MYT1L: variants seen among roughly 807,000 people sequenced by gnomAD.
The protein encoded by MYT1L is myelin transcription factor 1-like protein.
Under a neutral mutation model 126.7 loss-of-function variants are expected in MYT1L, and 12 were observed. The observed-to-expected ratio is 0.09, with a 90% CI of 0.06 to 0.15. MYT1L has a LOEUF of 0.15. MYT1L is among the 10% of genes least tolerant of loss of function. MYT1L has a pLI of 1.00. For missense variants in MYT1L, 979 were observed against 1,585.2 expected (o/e 0.62, Z 6.49); for synonymous variants, 541 against 604.2 (o/e 0.90, Z 1.53).
intron 5 of MYT1L, among the ~76,000 whole-genome samples, chr2:1,983,694 G>A (rs1389517930): frequency 2.0e-5 from 3 of 152,224 alleles, no homozygotes; most frequent in African/African-American, 7.2e-5. Flanking sequence ...GTCATTGGCA[G>A]CCTCAGGCGT....
intron 8 of MYT1L, among the ~76,000 whole-genome samples, chr2:1,967,591 G>C (rs1432521307): frequency 1.3e-5 from 2 of 152,232 alleles, no homozygotes; most frequent in East Asian, 3.9e-4. Flanking sequence ...GGAAAGTTCA[G>C]TTCATTAGTC....
At chr2:2,021,857 A>T (rs2065065714) in intron 4 of MYT1L, among the ~76,000 whole-genome samples, 1 of 152,116 alleles carries the variant, frequency 6.6e-6, no homozygotes, top group Non-Finnish European at 1.5e-5. Context: ...AGATCGTGCC[A>T]CTGCACTCCA....
chr2:1,805,491 C>A (rs2035549203), intron 22 of MYT1L, among the ~76,000 whole-genome samples: 1 of 152,226 alleles, frequency 6.6e-6, no homozygotes, highest in Non-Finnish European at 1.5e-5. Context: ...GTGGCTCACG[C>A]CTATAATCCC....
chr2:2,212,121 G>A (rs767967485), intron 2 of MYT1L, among the ~76,000 whole-genome samples: 13 of 152,158 alleles, frequency 8.5e-5, no homozygotes, highest in Admixed American at 4.6e-4. Flanking sequence ...GTCTATATGC[G>A]TATATAAGCT....
chr2:2,303,317 C>T (rs903244904), intron 1 of MYT1L, among the ~76,000 whole-genome samples: 4 of 152,140 alleles, frequency 2.6e-5, no homozygotes, highest in Non-Finnish European at 4.4e-5. Flanking sequence ...TTGTCTTCCG[C>T]GGGGGCACCT....
chr2:2,097,961 A>C (rs1165043109), intron 3 of MYT1L, among the ~76,000 whole-genome samples: 3 of 152,048 alleles, frequency 2.0e-5, no homozygotes, highest in Admixed American at 1.3e-4. Flanking sequence ...TGGTTGTGTA[A>C]AAGTGTGGCA....
At chr2:2,312,069 C>T (rs1386210145) in intron 1 of MYT1L, among the ~76,000 whole-genome samples, 1 of 152,162 alleles carries the variant, frequency 6.6e-6, no homozygotes, top group Non-Finnish European at 1.5e-5. Flanking sequence ...CAGCTGTAGA[C>T]TTTACACAGC....
chr2:1,880,674 C>A (rs1029723113), intron 18 of MYT1L, among the ~76,000 whole-genome samples: 1 of 152,142 alleles, frequency 6.6e-6, no homozygotes, highest in African/African-American at 2.4e-5. Flanking sequence ...GTGCTTGCTA[C>A]CAGTACTGTC....
intron 19 of MYT1L, among the ~76,000 whole-genome samples, chr2:1,845,699 G>A (rs1013838289): frequency 6.6e-6 from 1 of 152,216 alleles, no homozygotes; most frequent in African/African-American, 2.4e-5. Flanking sequence ...AGCTAAGCCT[G>A]CACTTGGGTG....
chr2:1,818,332 C>T (rs1197619359), intron 21 of MYT1L, among the ~76,000 whole-genome samples: 1 of 152,122 alleles, frequency 6.6e-6, no homozygotes. Flanking sequence ...GTGCTGTCTG[C>T]GATTCAGTAT....
chr2:1,876,531 C>T (rs977725534), intron 18 of MYT1L, among the ~76,000 whole-genome samples: 3 of 152,126 alleles, frequency 2.0e-5, no homozygotes, highest in Admixed American at 2.0e-4. Context: ...ACCCCTCACC[C>T]CGGCAACCTT....
intron 3 of MYT1L, among the ~76,000 whole-genome samples, chr2:2,117,869 G>A (rs1481006304): frequency 6.6e-6 from 1 of 151,808 alleles, no homozygotes; most frequent in Non-Finnish European, 1.5e-5. Flanking sequence ...GGTAATAGGC[G>A]GAACATGGAA....
intron 2 of MYT1L, among the ~76,000 whole-genome samples, chr2:2,232,862 C>T (rs1488065931): frequency 6.6e-6 from 1 of 152,222 alleles, no homozygotes; most frequent in Non-Finnish European, 1.5e-5. Flanking sequence ...CCTGCGTCCT[C>T]ATGGCTCCCT....
chr2:1,804,358 G>A (rs1167662715), intron 22 of MYT1L, among the ~76,000 whole-genome samples: 1 of 152,120 alleles, frequency 6.6e-6, no homozygotes, highest in African/African-American at 2.4e-5. Flanking sequence ...CTGACCTCAG[G>A]TGATCTGCCC....
chr2:1,829,164 G>A (rs1367181024), intron 21 of MYT1L, among the ~76,000 whole-genome samples: 1 of 152,104 alleles, frequency 6.6e-6, no homozygotes, highest in Non-Finnish European at 1.5e-5. Context: ...TGGGGGTGCT[G>A]AGGACTGGGC....
intron 2 of MYT1L, among the ~76,000 whole-genome samples, chr2:2,181,666 G>A (rs1224395788): frequency 2.0e-5 from 3 of 152,206 alleles, no homozygotes; most frequent in Non-Finnish European, 2.9e-5. Context: ...CTTCCCGGAT[G>A]CAGTGCCAAG....
In MYT1L at chr2:2,024,202, C is replaced by T. The variant is rs537913089; in HGVS notation, c.-157-26855G>A. 2.6e-5 allele frequency among the ~76,000 whole-genome samples: 4 copies of T among 152,274 alleles called. No homozygotes were observed. In the South Asian group the frequency reaches 6.2e-4, roughly 24 times the overall value. ...ACCCATTCAAGATCCCTCTTGTAGG[C>T]GTCTTGGAATATATATACTACATTA... is the stretch of plus-strand genomic sequence containing the variant. On this transcript the variant is annotated intron_variant, in intron 4 of 24. Transcript: ENST00000647738.
chr2:2,220,896 C>T (rs368850059), intron 2 of MYT1L, among the ~76,000 whole-genome samples: 8 of 151,774 alleles, frequency 5.3e-5, no homozygotes, highest in African/African-American at 1.5e-4. Context: ...CAGAATTGTA[C>T]GTTATTGATG....
At chr2:2,316,595 A>AAGT (rs1166031774) in intron 1 of MYT1L, among the ~76,000 whole-genome samples, 1 of 152,238 alleles carries the variant, frequency 6.6e-6, no homozygotes, top group East Asian at 1.9e-4. Flanking sequence ...GAGAGAAACC[A>AAGT]AGTAGTAACT....
Sources: allele counts gnomAD v4.1 joint callset (sites outside exome capture counted in the v4.1 genomes callset), GRCh38; gene constraint gnomAD v4.1.1; transcripts MANE v1.5; gene names NCBI Gene and HGNC (gene_info 2026-07-23, HGNC 2026-07-21).